NAV1: variants seen among roughly 807,000 people sequenced by gnomAD.
NAV1 encodes pore membrane and/or filament interacting like protein 3.
NAV1 carries 18 observed loss-of-function variants against 175.2 expected under a neutral mutation model. That is an observed-to-expected ratio of 0.10 (90% confidence interval 0.07 to 0.15). The LOEUF (loss-of-function observed/expected upper bound fraction) is 0.15, where lower values mean the gene tolerates loss of function less well. Among genes scored for constraint, NAV1 ranks in the 10% least tolerant of loss-of-function variants. The probability of loss-of-function intolerance (pLI) is 1.00; values close to 1 mark genes in which losing one functional copy is unlikely to be tolerated. For synonymous variants in NAV1, 897 were observed against 978.7 expected, an observed-to-expected ratio of 0.92 and a Z score of 1.56; for missense variants, 1,731 against 2,436.6, an observed-to-expected ratio of 0.71 and a Z score of 6.10.
intron 3 of NAV1, among the ~76,000 whole-genome samples, chr1:201,751,919 G>A (rs935121959): frequency 3.9e-5 from 6 of 151,964 alleles, no homozygotes; most frequent in African/African-American, 7.3e-5. Context: ...TTTTCTTTTC[G>A]TTCTTTTTTT....
At chr1:201,596,091 T>C (rs1472815222) in intron 2 of NAV1, among the ~76,000 whole-genome samples, 1 of 152,234 alleles carries the variant, frequency 6.6e-6, no homozygotes, top group African/African-American at 2.4e-5. Context: ...ATCTCAGTTT[T>C]CTCACCATAA....
At chr1:201,668,790 C>T (rs566229447) in intron 1 of NAV1, among the ~76,000 whole-genome samples, 39 of 152,234 alleles carry the variant, frequency 2.6e-4, no homozygotes, top group African/African-American at 9.4e-4. Flanking sequence ...CAGAAGGGGG[C>T]CTTTGGGATC....
In NAV1 at chr1:201,576,122, A is replaced by T. The variant is rs183049418; in HGVS notation, c.-143-12417A>T. Among the ~76,000 whole-genome samples, 28 of 152,220 alleles carry T rather than the reference A, an allele frequency of 1.8e-4. No homozygotes were observed. In the East Asian group the frequency reaches 4.8e-3, roughly 26 times the overall value. On this transcript the variant is annotated intron_variant, in intron 1 of 33. Coordinates refer to the NAV1 transcript ENST00000685211. ...ACAGAACAGTCCTGTCACCACAGGG[A>T]TCCCTCATGTCGCCCTTTTAAAGGC...
intron 3 of NAV1, among the ~76,000 whole-genome samples, chr1:201,738,761 G>T (rs1673224600): frequency 1.3e-5 from 2 of 152,168 alleles, no homozygotes; most frequent in Admixed American, 6.5e-5. Context: ...CCAAACACTA[G>T]AGACTACTGC....
At chr1:201,777,158 T>C (rs1035389497) in intron 3 of NAV1, among the ~76,000 whole-genome samples, 1 of 152,218 alleles carries the variant, frequency 6.6e-6, no homozygotes, top group African/African-American at 2.4e-5. Flanking sequence ...TTCAGAAACC[T>C]ACTGGAAGAG....
At chr1:201,637,926 A>G (rs1240282872) in intron 2 of NAV1, among the ~76,000 whole-genome samples, 1 of 152,218 alleles carries the variant, frequency 6.6e-6, no homozygotes, top group Non-Finnish European at 1.5e-5. Flanking sequence ...TGCCATGGCA[A>G]CATACAGGAA....
intron 1 of NAV1, among the ~76,000 whole-genome samples, chr1:201,542,119 G>A (rs80228653): frequency 0.033 from 5,052 of 152,264 alleles, 112 homozygotes; most frequent in Middle Eastern, 0.1. Flanking sequence ...TGGGCTCAGA[G>A]CTACACAACT....
At chr1:201,652,152 G>A (rs182152312) in intron 1 of NAV1, among the ~76,000 whole-genome samples, 12 of 151,620 alleles carry the variant, frequency 7.9e-5, no homozygotes, top group African/African-American at 2.9e-4. Flanking sequence ...GAAGACACTG[G>A]GCATTTGTCC....
At chr1:201,668,920 T>C (rs1218279892) in intron 1 of NAV1, among the ~76,000 whole-genome samples, 2 of 152,130 alleles carry the variant, frequency 1.3e-5, no homozygotes, top group Non-Finnish European at 2.9e-5. Flanking sequence ...CCATGGGCGG[T>C]GTGCTGAGAA....
chr1:201,703,835 T>G (rs528318214), intron 1 of NAV1, among the ~76,000 whole-genome samples: 1 of 152,210 alleles, frequency 6.6e-6, no homozygotes, highest in South Asian at 2.1e-4. Flanking sequence ...CCAGAAAGGG[T>G]CAGCCTGGGT....
chr1:201,778,996 G>A (rs665770), intron 3 of NAV1, among the ~76,000 whole-genome samples: 49,993 of 152,076 alleles, frequency 0.33, 9,154 homozygotes, highest in Admixed American at 0.43. Flanking sequence ...AATTCCTACC[G>A]GCACAAACAA....
At chr1:201,607,573 C>A (rs1343455020) in intron 2 of NAV1, among the ~76,000 whole-genome samples, 1 of 152,082 alleles carries the variant, frequency 6.6e-6, no homozygotes, top group African/African-American at 2.4e-5. Context: ...CTCACTGCAA[C>A]CTCTGCCTCC....
At chr1:201,568,905 G>A (rs1185730847) in intron 1 of NAV1, among the ~76,000 whole-genome samples, 1 of 152,084 alleles carries the variant, frequency 6.6e-6, no homozygotes, top group East Asian at 1.9e-4. Context: ...CTAGGTCAGT[G>A]GGCTTGAATG....
At chr1:201,550,544 G>A (rs541906091) in intron 1 of NAV1, among the ~76,000 whole-genome samples, 2 of 152,006 alleles carry the variant, frequency 1.3e-5, no homozygotes, top group Non-Finnish European at 2.9e-5. Flanking sequence ...GCTATTTCTT[G>A]GTAACCCTGA....
chr1:201,556,702 G>C (rs1347383496), intron 1 of NAV1, among the ~76,000 whole-genome samples: 5 of 152,198 alleles, frequency 3.3e-5, no homozygotes, highest in Non-Finnish European at 4.4e-5. Flanking sequence ...TGGGCCAGCA[G>C]CAGAGGTCTA....
chr1:201,584,658 C>G (rs615666), intron 1 of NAV1, among the ~76,000 whole-genome samples: 62,657 of 152,090 alleles, frequency 0.41, 15,695 homozygotes, highest in African/African-American at 0.7. Context: ...AAGCCCTCCT[C>G]AGTCTGTTTC....
intron 1 of NAV1, among the ~76,000 whole-genome samples, chr1:201,583,641 T>A (rs1327017): frequency 0.048 from 7,362 of 152,304 alleles, 202 homozygotes; most frequent in Middle Eastern, 0.071. Flanking sequence ...TTGACCTTTT[T>A]TGAGCCTTTG....
In NAV1 at chr1:201,787,468, A is replaced by G. The variant is rs1446453850; in HGVS notation, c.2995+891A>G. Reference sequence around the variant, plus strand: ...CCTAGGGAAAAGAACCATTGTTCAGACAGGATCATCTGCCCTCTGAAGGGC... The same window carrying G: ...CCTAGGGAAAAGAACCATTGTTCAGGCAGGATCATCTGCCCTCTGAAGGGC... On this transcript the variant is annotated intron_variant, in intron 9 of 29. Transcript: ENST00000367296. This position sits in a 1 kb window ranked among gnomAD's most constrained non-coding sequence, Gnocchi z 4.3. Among the ~76,000 whole-genome samples the G allele has an allele frequency of 6.6e-6, 1 of 152,242 alleles. No homozygotes were observed. Among genetic ancestry groups the G allele is most frequent in the East Asian group, 1.9e-4 (1 of 5,206 alleles).
intron 1 of NAV1, among the ~76,000 whole-genome samples, chr1:201,560,905 A>T (rs1469186580): frequency 6.6e-6 from 1 of 152,230 alleles, no homozygotes; most frequent in African/African-American, 2.4e-5. Flanking sequence ...CACAAAGCAG[A>T]CAGTGGGCTC....
Sources: allele counts gnomAD v4.1 joint callset (sites outside exome capture counted in the v4.1 genomes callset), GRCh38; gene constraint gnomAD v4.1.1; non-coding constraint Gnocchi (gnomAD v3.1); transcripts MANE v1.5; gene names NCBI Gene and HGNC (gene_info 2026-07-23, HGNC 2026-07-21).